DAB2IP: variants seen among roughly 807,000 people sequenced by gnomAD.
DAB2IP encodes the protein DAB2 interacting protein.
In DAB2IP, 28 loss-of-function variants were observed where a neutral mutation model predicts 107.2. The observed-to-expected ratio is 0.26, with a 90% CI of 0.19 to 0.36. DAB2IP has a LOEUF of 0.36. Among genes scored for constraint, DAB2IP ranks in the 10% least tolerant of loss-of-function variants. The pLI, the probability that DAB2IP is intolerant of heterozygous loss-of-function variation, is 1.00. For synonymous variants in DAB2IP, 755 were observed against 706.4 expected (o/e 1.07, Z -1.09); for missense variants, 1,400 against 1,644.7 (o/e 0.85, Z 2.57).
At chr9:121,617,169 A>T (rs1193423346) in intron 1 of DAB2IP, among the ~76,000 whole-genome samples, 1 of 152,142 alleles carries the variant, frequency 6.6e-6, no homozygotes. Context: ...TACTAAAAGT[A>T]CAAAAATTAG....
At chr9:121,751,598 T>G (rs1833123854) in intron 3 of DAB2IP, 1 of 152,022 alleles carries the variant, frequency 6.6e-6, no homozygotes, top group Non-Finnish European at 1.5e-5. Flanking sequence ...AGGATAAGAG[T>G]TTGCAGCTTT....
At chr9:121,658,329 C>T (rs781678217) in intron 1 of DAB2IP, among the ~76,000 whole-genome samples, 12 of 152,178 alleles carry the variant, frequency 7.9e-5, no homozygotes, top group Non-Finnish European at 1.6e-4. Flanking sequence ...TTGCTGGGAG[C>T]TGAAGTTTTG....
intron 1 of DAB2IP, among the ~76,000 whole-genome samples, chr9:121,636,253 A>AC (rs1250655710): frequency 6.6e-6 from 1 of 151,426 alleles, no homozygotes; most frequent in Non-Finnish European, 1.5e-5. Context: ...TGCAGAGGTC[A>AC]CCCCCCTACC....
rs147535288 is a variant in DAB2IP at position 121,706,517 on chromosome 9, C to T, written c.362+7059C>T. On this transcript the variant is annotated intron_variant, in intron 3 of 15. Coordinates refer to ENST00000408936, the Ensembl canonical transcript of DAB2IP. ...GTGATGTGAGAGCTTGCTTGCACAC[C>T]CCTTCCTTGGGCTCTTGGTCAGGCC... 3.9e-3 allele frequency among the ~76,000 whole-genome samples: 599 copies of T among 152,278 alleles called. 5 individuals carry two copies. The highest frequency in any genetic ancestry group is 0.014 in the African/African-American group (565 of 41,566).
intron 3 of DAB2IP, among the ~76,000 whole-genome samples, chr9:121,733,570 T>G (rs1321980475): frequency 1.3e-5 from 2 of 152,184 alleles, no homozygotes; most frequent in African/African-American, 2.4e-5. Context: ...TGGAATCCCT[T>G]AGGCCCTGAG....
At chr9:121,737,497 C>G (rs1832013042) in intron 3 of DAB2IP, 1 of 985,342 alleles carries the variant, frequency 1.0e-6, no homozygotes, top group Admixed American at 6.1e-5. Context: ...GCCCCCTAAT[C>G]TGTCCAGAAG....
chr9:121,580,924 C>T (rs575854851), intron 1 of DAB2IP, among the ~76,000 whole-genome samples: 4 of 152,324 alleles, frequency 2.6e-5, no homozygotes, highest in South Asian at 2.1e-4. Flanking sequence ...CGCGCCTGGC[C>T]GCCCATCTAA....
chr9:121,674,931 A>G (rs963097723), intron 1 of DAB2IP, among the ~76,000 whole-genome samples: 1 of 151,864 alleles, frequency 6.6e-6, no homozygotes, highest in Non-Finnish European at 1.5e-5. Flanking sequence ...GAGGGAGGGT[A>G]GTTCCTGGAA....
rs746598011 is a variant in DAB2IP at position 121,699,310 on chromosome 9, TC to T, written c.229-9del. On this transcript the variant is annotated splice_polypyrimidine_tract_variant and intron_variant, in intron 2 of 15. Coordinates refer to ENST00000408936, the Ensembl canonical transcript of DAB2IP. This position sits in a 1 kb window ranked among gnomAD's most constrained non-coding sequence, Gnocchi z 6.2. ...ACCCCGCCTCCCCTTCCCCCTCTTGTCCCCCCGTGCGCAGGGCTTCCTCAGC... is the reference window on the plus strand; with the variant it reads ...ACCCCGCCTCCCCTTCCCCCTCTTGTCCCCCGTGCGCAGGGCTTCCTCAGC... The T allele has an allele frequency of 1.3e-5, 17 of 1,359,300 alleles. No homozygotes were observed. The highest frequency in any genetic ancestry group is 5.6e-5 in the South Asian group (4 of 71,072). 84.2% of individuals were successfully genotyped at this position (1,359,300 alleles called of 1,614,324 possible). A position where few individuals can be genotyped will look rare whatever the true frequency, so the allele number is the denominator to read the frequency against.
chr9:121,719,707 T>C (rs1255087468), intron 3 of DAB2IP, among the ~76,000 whole-genome samples: 1 of 152,176 alleles, frequency 6.6e-6, no homozygotes, highest in African/African-American at 2.4e-5. Flanking sequence ...CTCTTAGTGC[T>C]TACAGTGACC....
intron 3 of DAB2IP, chr9:121,742,988 A>C: frequency 1.0e-6 from 1 of 985,460 alleles, no homozygotes; most frequent in Non-Finnish European, 1.2e-6. Context: ...GATGTGGAGC[A>C]GTTGGGGCCT....
intron 1 of DAB2IP, among the ~76,000 whole-genome samples, chr9:121,603,751 G>A (rs1830770997): frequency 6.6e-6 from 1 of 152,164 alleles, no homozygotes; most frequent in African/African-American, 2.4e-5. Context: ...AGGGGCTGAA[G>A]GTGGGGCTTT....
intron 3 of DAB2IP, among the ~76,000 whole-genome samples, chr9:121,755,768 C>T (rs894307968): frequency 1.3e-5 from 2 of 152,322 alleles, no homozygotes; most frequent in African/African-American, 4.8e-5. Flanking sequence ...TGACCCGGGG[C>T]AGTCGCAGAA....
Position 121,633,790 on chromosome 9 carries a change from C to T in DAB2IP, c.41-44888C>T, listed in dbSNP as rs1831981085. Among the ~76,000 whole-genome samples, 1 of 152,154 alleles carries T rather than the reference C, an allele frequency of 6.6e-6. No individual in the cohort carries two copies. Among genetic ancestry groups the T allele is most frequent in the South Asian group, 2.1e-4 (1 of 4,826 alleles). On this transcript the variant is annotated intron_variant, in intron 1 of 16. Transcript: ENST00000259371. The surrounding 1 kb of genome is among the most constrained non-coding windows in gnomAD (Gnocchi z 5.1). ...ACATCAGGACAGCATCCTCCAGGCC[C>T]AAACCCTCACCATAGTCTAAGTACA...
intron 3 of DAB2IP, among the ~76,000 whole-genome samples, chr9:121,740,771 T>C (rs1034962819): frequency 6.6e-6 from 1 of 152,210 alleles, no homozygotes; most frequent in African/African-American, 2.4e-5. Context: ...GAGTTTGGGG[T>C]TCCCAGTTGC....
intron 15 of DAB2IP, 42 bp downstream of exon 15, chr9:121,781,593 G>C (rs760230224): frequency 6.3e-7 from 1 of 1,595,256 alleles, no homozygotes; most frequent in African/African-American, 1.5e-5. Flanking sequence ...GAGTTAAAGG[G>C]CCTGGGATTA....
chr9:121,779,394 G>T (rs927472800), intron 14 of DAB2IP, among the ~76,000 whole-genome samples: 34 of 152,182 alleles, frequency 2.2e-4, no homozygotes, highest in Admixed American at 1.5e-3. Flanking sequence ...CTGCTTATGA[G>T]TTTTCCTACT....
intron 1 of DAB2IP, among the ~76,000 whole-genome samples, chr9:121,570,575 G>T (rs1261019692): frequency 2.0e-5 from 3 of 151,982 alleles, no homozygotes; most frequent in Non-Finnish European, 4.4e-5. Flanking sequence ...TTGAGACAGG[G>T]TCTCACTCTG....
rs1047813521 is a variant in DAB2IP, at chr9:121,705,736, G to T, written c.362+6278G>T. ...CTCTTTGCCTCCCCTCTCACCTTCG[G>T]TTACCAGGCAGAGCCCAGGCCCAGG... is the stretch of plus-strand genomic sequence containing the variant. On this transcript the variant is annotated intron_variant, in intron 3 of 15. Transcript: ENST00000408936. 2.0e-5 allele frequency among the ~76,000 whole-genome samples: 3 copies of T among 152,118 alleles called. No individual in the cohort carries two copies. The East Asian group carries it at 5.8e-4, about 29-fold the overall frequency.
Sources: allele counts gnomAD v4.1 joint callset (sites outside exome capture counted in the v4.1 genomes callset), GRCh38; gene constraint gnomAD v4.1.1; non-coding constraint Gnocchi (gnomAD v3.1); transcripts MANE v1.5; gene names NCBI Gene and HGNC (gene_info 2026-07-23, HGNC 2026-07-21).